VGLL4: variants seen among roughly 807,000 people sequenced by gnomAD.
VGLL4 encodes transcription cofactor vestigial-like protein 4.
A neutral mutation model predicts 21.0 loss-of-function variants in VGLL4; 7 were observed. The observed-to-expected ratio is 0.33, with a 90% CI of 0.19 to 0.63. The LOEUF (loss-of-function observed/expected upper bound fraction) is 0.63, where lower values mean the gene tolerates loss of function less well. VGLL4 is among the 20% of genes least tolerant of loss of function. The pLI is 0.78. For synonymous variants in VGLL4, 222 were observed against 173.2 expected, an observed-to-expected ratio of 1.28 and a Z score of -2.21; for missense variants, 394 against 425.7, an observed-to-expected ratio of 0.93 and a Z score of 0.66.
Position 11,592,895 on chromosome 3 carries a change from G to T in VGLL4, c.272+8938C>A, listed in dbSNP as rs150202674. On this transcript the variant is annotated intron_variant, in intron 2 of 4. Transcript: ENST00000430365. Reference sequence around the variant, plus strand: ...ACAGTGCCAGCGCACAAGGGCTCACGAGTTGCTGTTACTAACAAGCCCTGG... The same window carrying T: ...ACAGTGCCAGCGCACAAGGGCTCACTAGTTGCTGTTACTAACAAGCCCTGG... Among the ~76,000 whole-genome samples the T allele has an allele frequency of 1.9e-3, 288 of 152,280 alleles. 1 individual carries two copies. Among genetic ancestry groups the T allele is most frequent in the African/African-American group, 6.1e-3 (253 of 41,572 alleles).
intron 1 of VGLL4, among the ~76,000 whole-genome samples, chr3:11,716,741 G>C (rs2076923889): frequency 6.6e-6 from 1 of 151,974 alleles, no homozygotes; most frequent in African/African-American, 2.4e-5. Flanking sequence ...TTGGCAGTTT[G>C]TATCTGCCAA....
chr3:11,673,711 CA>C (rs1335410066), intron 2 of VGLL4, among the ~76,000 whole-genome samples: 1 of 151,918 alleles, frequency 6.6e-6, no homozygotes, highest in Admixed American at 6.6e-5. Flanking sequence ...GGTCACACAC[CA>C]GCAGATACAA....
intron 1 of VGLL4, among the ~76,000 whole-genome samples, chr3:11,642,694 A>G (rs1330175119): frequency 1.3e-5 from 2 of 152,244 alleles, no homozygotes; most frequent in African/African-American, 4.8e-5. Context: ...ACAGTTGGAA[A>G]TACAAGACAG....
intron 2 of VGLL4, among the ~76,000 whole-genome samples, chr3:11,591,695 C>G (rs2074501872): frequency 6.6e-6 from 1 of 152,234 alleles, no homozygotes; most frequent in Admixed American, 6.5e-5. Context: ...AGGTACCACA[C>G]TCCATTAGCA....
intron 2 of VGLL4, among the ~76,000 whole-genome samples, chr3:11,574,783 ATATGTGTGTGTGTGTGTGTGTGTGTG>A (rs985027935): frequency 1.1e-4 from 12 of 111,782 alleles, no homozygotes; most frequent in African/African-American, 2.6e-4. Context: ...ATTCAACTAT[ATATGTGTGTGTGTGTGTGTGTGTGTG>A]TGTGTGTGTG....
chr3:11,587,196 C>T lies in VGLL4; in HGVS notation c.272+14637G>A, dbSNP rs539054185. Among the ~76,000 whole-genome samples, 134 of 152,324 alleles carry T rather than the reference C, an allele frequency of 8.8e-4. 2 individuals are homozygous for T. The highest frequency in any genetic ancestry group is 2.7e-3 in the South Asian group (13 of 4,830). Reference sequence around the variant, plus strand: ...GATGGTCATCCTAAAGGAACTGTGTCTTATTTCACAGTCCAAAGGGGGCCA... The same window carrying T: ...GATGGTCATCCTAAAGGAACTGTGTTTTATTTCACAGTCCAAAGGGGGCCA... On this transcript the variant is annotated intron_variant, in intron 2 of 4. Transcript: ENST00000430365.
chr3:11,717,951 G>A (rs775621034), intron 1 of VGLL4, among the ~76,000 whole-genome samples: 1 of 152,110 alleles, frequency 6.6e-6, no homozygotes, highest in Non-Finnish European at 1.5e-5. Context: ...GACACTGATA[G>A]GACTAGAACT....
In VGLL4 at chr3:11,611,414, C is replaced by T. The variant is rs1016690343; in HGVS notation, c.83-9392G>A. Among the ~76,000 whole-genome samples the T allele has an allele frequency of 3.3e-5, 5 of 152,164 alleles. No homozygotes were observed. In the East Asian group the frequency reaches 5.8e-4, roughly 18 times the overall value. ...TCTGCAAGCCAAGGAGAGAGCCTGCCGGAGAAATAAGCCCGCTGAGTCTTT... is the reference window on the plus strand; with the variant it reads ...TCTGCAAGCCAAGGAGAGAGCCTGCTGGAGAAATAAGCCCGCTGAGTCTTT... On this transcript the variant is annotated intron_variant, in intron 1 of 4. Coordinates refer to ENST00000430365, the MANE Select transcript of VGLL4 (RefSeq NM_001128219.3).
chr3:11,685,984 C>T (rs920225916), intron 2 of VGLL4, among the ~76,000 whole-genome samples: 4 of 152,106 alleles, frequency 2.6e-5, no homozygotes, highest in Admixed American at 2.0e-4. Context: ...ATCAAAACAA[C>T]GAGATACCAC....
At chr3:11,603,693 C>T (rs1301091404) in intron 1 of VGLL4, among the ~76,000 whole-genome samples, 2 of 152,156 alleles carry the variant, frequency 1.3e-5, no homozygotes, top group Non-Finnish European at 2.9e-5. Context: ...TCCTCTCCAC[C>T]CAGGGTTTCT....
chr3:11,572,094 T>C (rs2073798409), intron 2 of VGLL4, among the ~76,000 whole-genome samples: 1 of 151,966 alleles, frequency 6.6e-6, no homozygotes, highest in Non-Finnish European at 1.5e-5. Flanking sequence ...AGTGACAGAG[T>C]GAGACCCTGT....
At chr3:11,686,759 G>A (rs1046272252) in intron 2 of VGLL4, among the ~76,000 whole-genome samples, 2 of 152,034 alleles carry the variant, frequency 1.3e-5, no homozygotes, top group East Asian at 1.9e-4. Context: ...TATACCTCAC[G>A]TGTATACATG....
chr3:11,639,595 C>T (rs557117218), intron 1 of VGLL4, among the ~76,000 whole-genome samples: 15 of 152,184 alleles, frequency 9.9e-5, no homozygotes, highest in Non-Finnish European at 1.8e-4. Context: ...GAAATAAGCC[C>T]GGCGCGGTGG....
At chr3:11,579,203 C>T (rs1236736849) in intron 2 of VGLL4, among the ~76,000 whole-genome samples, 1 of 138,906 alleles carries the variant, frequency 7.2e-6, no homozygotes, top group African/African-American at 2.6e-5. Context: ...AAAGGGTTGG[C>T]CAAGCTAACT....
chr3:11,564,824 G>T lies in VGLL4; in HGVS notation c.468C>A (p.Pro156=). 1 of 1,585,602 alleles carries T rather than the reference G, an allele frequency of 6.3e-7. No homozygotes were observed. The highest frequency in any genetic ancestry group is 2.3e-5 in the East Asian group (1 of 43,606). ...LDASRPAGLS[P]TLTPGERQQN... ...GCTGCCGCTCCCCCGGGGTCAGTGT[G>T]GGCGAGAGGCCGGCTGGCCTGCTGG... Residue 156 remains proline (P), a synonymous_variant, in exon 3 of 5, where the codon CCC becomes CCA. Coordinates refer to ENST00000430365, the MANE Select transcript of VGLL4 (RefSeq NM_001128219.3).
intron 2 of VGLL4, among the ~76,000 whole-genome samples, chr3:11,687,558 C>T (rs1349417858): frequency 6.6e-6 from 1 of 152,176 alleles, no homozygotes; most frequent in African/African-American, 2.4e-5. Flanking sequence ...AATCCTCCCA[C>T]TTCAGCCTCC....
chr3:11,648,641 T>C (rs879530008), upstream of VGLL4, among the ~76,000 whole-genome samples: 6 of 152,086 alleles, frequency 3.9e-5, no homozygotes, highest in Non-Finnish European at 7.4e-5. Context: ...GTGTCATATA[T>C]TACAGTGAAG....
chr3:11,598,460 A>G lies in VGLL4; in HGVS notation c.272+3373T>C, dbSNP rs186314774. Among the ~76,000 whole-genome samples, 184 of 150,534 alleles carry G rather than the reference A, an allele frequency of 1.2e-3. 2 individuals carry two copies. The highest frequency in any genetic ancestry group is 1.8e-3 in the East Asian group (9 of 5,016). ...CAGGCCTTGTTAGCTAGCTACCGAA[A>G]CTATTTTTTCTTTCTTCCTCTCTCT... On this transcript the variant is annotated intron_variant, in intron 2 of 4. Coordinates refer to ENST00000430365, the MANE Select transcript of VGLL4 (RefSeq NM_001128219.3).
intron 1 of VGLL4, among the ~76,000 whole-genome samples, chr3:11,641,118 C>CAAAA (rs10547055): frequency 3.3e-5 from 3 of 91,812 alleles, no homozygotes; most frequent in Non-Finnish European, 4.5e-5. Context: ...ACTTCATCAC[C>CAAAA]AAAAAAAAAA....
Sources: gnomAD v4.1 joint callset for allele counts (sites outside exome capture counted in the v4.1 genomes callset) on GRCh38, gnomAD v4.1.1 for gene constraint, MANE v1.5 for transcripts, NCBI Gene and HGNC (gene_info 2026-07-23, HGNC 2026-07-21) for gene names.